KIAA0040: variants seen among roughly 807,000 people sequenced by gnomAD.
The protein encoded by KIAA0040 is uncharacterized protein KIAA0040.
A neutral mutation model predicts 7.2 loss-of-function variants in KIAA0040; 10 were observed. The ratio of observed to expected loss-of-function variants is 1.38; its 90% CI spans 0.85 to 2.34. The LOEUF (loss-of-function observed/expected upper bound fraction) is 2.34, where lower values mean the gene tolerates loss of function less well. KIAA0040 is among the 30% of genes most tolerant of loss of function. KIAA0040 has a pLI of 0.00. For synonymous variants in KIAA0040, 49 were observed against 40.1 expected (o/e 1.22, Z -0.84); for missense variants, 89 against 108.2 (o/e 0.82, Z 0.79).
chr1:175,176,905 G>A (rs902986647), intron 2 of KIAA0040, among the ~76,000 whole-genome samples: 3 of 151,984 alleles, frequency 2.0e-5, no homozygotes, highest in African/African-American at 4.8e-5. Context: ...TTCCTGAATC[G>A]GGAGTATGTA....
At chr1:175,184,898 A>G (rs1004821819) in intron 1 of KIAA0040, among the ~76,000 whole-genome samples, 1 of 152,230 alleles carries the variant, frequency 6.6e-6, no homozygotes. Flanking sequence ...TCTGTCTGCC[A>G]AAATGACTGC....
intron 1 of KIAA0040, among the ~76,000 whole-genome samples, chr1:175,185,880 A>G (rs1677638914): frequency 1.3e-5 from 2 of 152,262 alleles, no homozygotes; most frequent in Non-Finnish European, 2.9e-5. Context: ...GTACCAATAC[A>G]TGCTACAACA....
At chr1:175,174,648 T>G (rs756678726) in intron 2 of KIAA0040, among the ~76,000 whole-genome samples, 50 of 152,306 alleles carry the variant, frequency 3.3e-4, no homozygotes, top group Middle Eastern at 6.8e-3. Flanking sequence ...AAGCTCAAAG[T>G]AGAACACTGA....
intron 2 of KIAA0040, among the ~76,000 whole-genome samples, chr1:175,167,504 A>G (rs988208955): frequency 1.3e-5 from 2 of 152,192 alleles, no homozygotes; most frequent in African/African-American, 2.4e-5. Flanking sequence ...GGGCCCATGA[A>G]TGGCAGCCCC....
intron 2 of KIAA0040, among the ~76,000 whole-genome samples, chr1:175,170,604 G>A (rs989685522): frequency 7.9e-5 from 12 of 151,974 alleles, no homozygotes; most frequent in African/African-American, 1.9e-4. Flanking sequence ...TTCAACACTC[G>A]GACTAAGCTT....
chr1:175,178,990 A>G (rs1677328143), intron 1 of KIAA0040, among the ~76,000 whole-genome samples: 1 of 149,854 alleles, frequency 6.7e-6, no homozygotes. Flanking sequence ...GATATCATGG[A>G]GGAGATAGAG....
At chr1:175,190,563 C>T (rs1677829920) in intron 1 of KIAA0040, among the ~76,000 whole-genome samples, 1 of 152,210 alleles carries the variant, frequency 6.6e-6, no homozygotes, top group African/African-American at 2.4e-5. Context: ...AAGGTACCTT[C>T]CCCTGCCTAT....
chr1:175,170,743 G>C (rs894665083), intron 2 of KIAA0040, among the ~76,000 whole-genome samples: 1 of 152,032 alleles, frequency 6.6e-6, no homozygotes, highest in Non-Finnish European at 1.5e-5. Context: ...TCTCACCTGG[G>C]TTACTGCAGC....
intron 3 of KIAA0040, among the ~76,000 whole-genome samples, chr1:175,164,250 A>G (rs1676664851): frequency 6.6e-6 from 1 of 152,238 alleles, no homozygotes; most frequent in Admixed American, 6.5e-5. Flanking sequence ...AAATCTCCTT[A>G]TCCGTTTATC....
In KIAA0040 at chr1:175,160,938, T is replaced by C; in HGVS notation, c.76A>G (p.Thr26Ala). The change falls in exon 4 of 4, where the codon ACC becomes GCC. Residue 26 changes from threonine to alanine, a missense_variant. Physicochemically the swap from Thr to Ala is moderately conservative, Grantham distance 58 (BLOSUM62 0). Transcript: ENST00000423313. ...CCCAGGAGGACTCCCAGGCAGATGG[T>C]GTTGTAGATGCCTTCTTGGTGTTTG... Reference protein sequence around the residue: ...LTKHQEGIYNTICLGVLLGLP... With the variant: ...LTKHQEGIYNAICLGVLLGLP... The C allele has an allele frequency of 2.6e-6, 4 of 1,551,306 alleles. No homozygotes were observed. Among genetic ancestry groups the C allele is most frequent in the Non-Finnish European group, 3.5e-6 (4 of 1,146,924 alleles).
intron 1 of KIAA0040, among the ~76,000 whole-genome samples, chr1:175,185,881 T>C (rs1450029759): frequency 6.6e-6 from 1 of 152,208 alleles, no homozygotes; most frequent in African/African-American, 2.4e-5. Flanking sequence ...TACCAATACA[T>C]GCTACAACAT....
intron 1 of KIAA0040, among the ~76,000 whole-genome samples, chr1:175,189,865 G>A (rs1677803901): frequency 6.6e-6 from 1 of 152,156 alleles, no homozygotes; most frequent in Admixed American, 6.5e-5. Flanking sequence ...ACTTGTTCAA[G>A]GTCAGCTAAT....
intron 1 of KIAA0040, 134 bp downstream of exon 1, chr1:175,192,506 T>C (rs565354450): frequency 6.6e-6 from 1 of 152,322 alleles, no homozygotes; most frequent in East Asian, 1.9e-4. Flanking sequence ...AAGAGGCTAC[T>C]TAGGAATAAT....
chr1:175,160,603 TTACTC>T lies in KIAA0040; in HGVS notation c.*106_*110del, dbSNP rs1293191521. On this transcript the variant is annotated 3_prime_UTR_variant, in exon 4 of 4. Coordinates refer to ENST00000423313, the MANE Select transcript of KIAA0040 (RefSeq NM_014656.3). ...TGAGGTTTGTTCCTTGGTTGAGTAG[TTACTC>T]TGTGGACATGGACATAGTGCATTAT... is the stretch of plus-strand genomic sequence containing the variant. 1.5e-5 allele frequency: 16 copies of T among 1,073,676 alleles called. No homozygotes were observed. The highest frequency in any genetic ancestry group is 2.6e-5 in the East Asian group (1 of 38,424). The allele number at this position is 1,073,676 out of a possible 1,614,324, so 66.5% of individuals were successfully genotyped here.
At position 175,157,797 on chromosome 1, in the gene KIAA0040, C is replaced by T. The variant is rs1327722924; in HGVS notation, c.*2917G>A. 1 of 152,136 alleles carries T rather than the reference C, an allele frequency of 6.6e-6. No individual in the cohort carries two copies. The highest frequency in any genetic ancestry group is 1.5e-5 in the Non-Finnish European group (1 of 68,092). 9.4% of individuals were successfully genotyped at this position (152,136 alleles called of 1,614,324 possible). On this transcript the variant is annotated 3_prime_UTR_variant, in exon 4 of 4. Coordinates refer to ENST00000423313, the MANE Select transcript of KIAA0040 (RefSeq NM_014656.3). ...AGCCTGGCTAAAGCTGCTCAGAAGT[C>T]CAGGCCTAGGGGATGTCTTTCTCGA...
Position 175,159,729 on chromosome 1 carries a change from C to T in KIAA0040, c.*985G>A, listed in dbSNP as rs1484190878. 6.6e-6 allele frequency: 1 copy of T among 152,168 alleles called. No individual in the cohort carries two copies. The highest frequency in any genetic ancestry group is 1.5e-5 in the Non-Finnish European group (1 of 68,032). 9.4% of individuals were successfully genotyped at this position (152,168 alleles called of 1,614,324 possible). On this transcript the variant is annotated 3_prime_UTR_variant, in exon 4 of 4. Coordinates refer to ENST00000423313, the MANE Select transcript of KIAA0040 (RefSeq NM_014656.3). Reference sequence around the variant, plus strand: ...ACCTAGCTCAGGTGTAGCATCTCCTCACCCTTTCCATCTGTAAACATTGCA... The same window carrying T: ...ACCTAGCTCAGGTGTAGCATCTCCTTACCCTTTCCATCTGTAAACATTGCA...
chr1:175,160,651 T>A lies in KIAA0040; in HGVS notation c.*63A>T. 1 of 1,411,200 alleles carries A rather than the reference T, an allele frequency of 7.1e-7. No individual in the cohort carries two copies. The highest frequency in any genetic ancestry group is 9.4e-7 in the Non-Finnish European group (1 of 1,059,838). The allele number at this position is 1,411,200 out of a possible 1,614,324, so 87.4% of individuals were successfully genotyped here. On this transcript the variant is annotated 3_prime_UTR_variant, in exon 4 of 4. Coordinates refer to ENST00000423313, the MANE Select transcript of KIAA0040 (RefSeq NM_014656.3). ...TGCATTATTTCAGGGGTTCCTGAAA[T>A]GTCTGTGTGTGGTCAGAAGGAGGCT...
intron 1 of KIAA0040, 46 bp from the exon 2 acceptor site, chr1:175,177,730 A>G (rs997060546): frequency 6.6e-6 from 1 of 152,160 alleles, no homozygotes; most frequent in Non-Finnish European, 1.5e-5. Context: ...GCCCCTTTGG[A>G]GGGAAATTGG....
chr1:175,188,802 G>C (rs570382348), intron 1 of KIAA0040, among the ~76,000 whole-genome samples: 5 of 152,288 alleles, frequency 3.3e-5, no homozygotes, highest in Middle Eastern at 3.4e-3. Context: ...ATCCCTTGAG[G>C]GTCTGCCCCT....
Sources: allele counts gnomAD v4.1 joint callset (sites outside exome capture counted in the v4.1 genomes callset), GRCh38; gene constraint gnomAD v4.1.1; transcripts MANE v1.5; gene names NCBI Gene and HGNC (gene_info 2026-07-23, HGNC 2026-07-21).